Variants in TARS1 observed in about 807,000 individuals in gnomAD.
TARS1 encodes threonyl-tRNA synthetase 1.
In TARS1, 57 loss-of-function variants were observed where a neutral mutation model predicts 97.7. The observed-to-expected ratio is 0.58, with a 90% CI of 0.47 to 0.73. The LOEUF is 0.73. Ranked by LOEUF, TARS1 falls within the 30% of genes least tolerant of loss-of-function variation. The pLI is 0.00. For synonymous variants in TARS1, 312 were observed against 293.7 expected (o/e 1.06, Z -0.64); for missense variants, 806 against 888.3 (o/e 0.91, Z 1.18).
chr5:33,463,250 T>A (rs574212123), intron 16 of TARS1, among the ~76,000 whole-genome samples: 1 of 152,352 alleles, frequency 6.6e-6, no homozygotes, highest in African/African-American at 2.4e-5. Flanking sequence ...GCTTATTTTT[T>A]AATAAGTAGT....
At chr5:33,441,608 G>T (rs1741105170) in intron 1 of TARS1, 1 of 163,324 alleles carries the variant, frequency 6.1e-6, no homozygotes, top group African/African-American at 2.4e-5. Context: ...GACCCAGCTT[G>T]TCCAAGTTTG....
rs763840110 is a variant in TARS1 at position 33,441,036 on chromosome 5, TCTC to T, written c.-47_-45del. The T allele has an allele frequency of 3.1e-6, 5 of 1,612,564 alleles. No homozygotes were observed. Among genetic ancestry groups the T allele is most frequent in the Non-Finnish European group, 4.2e-6 (5 of 1,178,990 alleles). ...CACCTCCCACCCGCCTCTTGGCTCC[TCTC>T]CTCTAGGCCGTCGCTTTCGGGTTCT... On this transcript the variant is annotated 5_prime_UTR_variant, in exon 1 of 19. Coordinates refer to ENST00000265112, the MANE Select transcript of TARS1 (RefSeq NM_152295.5).
At chr5:33,455,753 A>G (rs1396190357) in intron 6 of TARS1, 49 bp downstream of exon 6, 1 of 1,324,748 alleles carries the variant, frequency 7.5e-7, no homozygotes, top group South Asian at 1.3e-5. Flanking sequence ...TCATTTATTC[A>G]TGTTAGTTGA....
chr5:33,461,899 T>C lies in TARS1; in HGVS notation c.1630-7T>C, dbSNP rs572062691. On this transcript the variant is annotated splice_polypyrimidine_tract_variant and splice_region_variant and intron_variant, in intron 14 of 18. Coordinates refer to ENST00000265112, the MANE Select transcript of TARS1 (RefSeq NM_152295.5). ...CATTTTATAATAACCCAGTCTTTGC[T>C]TCTTAGATTGACATACAGATTAAAG... The C allele has an allele frequency of 1.7e-5, 27 of 1,611,772 alleles. No homozygotes were observed. In the South Asian group the frequency reaches 2.6e-4, roughly 16 times the overall value.
chr5:33,461,658 T>C lies in TARS1; in HGVS notation c.1552-9T>C. ...GAAAAAAATAAAAATCATTTTGCTT[T>C]ATCCTCAGCAACTTGAAAACAGTCT... is the stretch of plus-strand genomic sequence containing the variant. On this transcript the variant is annotated splice_polypyrimidine_tract_variant and intron_variant, in intron 13 of 18. Coordinates refer to ENST00000265112, the MANE Select transcript of TARS1 (RefSeq NM_152295.5). 1 of 1,610,978 alleles carries C rather than the reference T, an allele frequency of 6.2e-7. No homozygotes were observed. The highest frequency in any genetic ancestry group is 8.5e-7 in the Non-Finnish European group (1 of 1,179,118).
chr5:33,457,524 A>G, intron 9 of TARS1, 121 bp downstream of exon 9: 3 of 1,041,202 alleles, frequency 2.9e-6, no homozygotes, highest in Non-Finnish European at 2.8e-6. Flanking sequence ...GCTTTTTAGT[A>G]ACTGGTGCTA....
At chr5:33,450,202 T>C (rs541006202) in intron 3 of TARS1, among the ~76,000 whole-genome samples, 2 of 152,372 alleles carry the variant, frequency 1.3e-5, no homozygotes, top group East Asian at 1.9e-4. Flanking sequence ...TTTATAATTA[T>C]ATATTTTTGA....
Position 33,456,580 on chromosome 5 carries a change from C to A in TARS1, c.837+353C>A, listed in dbSNP as rs181922827. ...CCCAAGTTGTTGTTTTTAACAGAACCCAGTTTTATACTAGTTCATAAACAT... is the reference window on the plus strand; with the variant it reads ...CCCAAGTTGTTGTTTTTAACAGAACACAGTTTTATACTAGTTCATAAACAT... On this transcript the variant is annotated intron_variant, in intron 8 of 18. Coordinates refer to ENST00000265112, the MANE Select transcript of TARS1 (RefSeq NM_152295.5). Among the ~76,000 whole-genome samples the A allele has an allele frequency of 6.2e-4, 95 of 152,244 alleles. 1 individual carries two copies. Among genetic ancestry groups the A allele is most frequent in the South Asian group, 1.0e-3 (5 of 4,822 alleles).
At chr5:33,442,491 A>G (rs1021543671) in intron 1 of TARS1, among the ~76,000 whole-genome samples, 4 of 152,172 alleles carry the variant, frequency 2.6e-5, no homozygotes, top group African/African-American at 9.7e-5. Flanking sequence ...TTGAGTACTA[A>G]ATACGAGTTT....
chr5:33,464,006 A>G (rs1742419574), intron 17 of TARS1, among the ~76,000 whole-genome samples, 181 bp downstream of exon 17: 1 of 152,218 alleles, frequency 6.6e-6, no homozygotes. Flanking sequence ...CCATGATTCC[A>G]TAATCAGAAG....
intron 5 of TARS1, 55 bp from the exon 6 acceptor site, chr5:33,455,532 G>T: frequency 5.1e-6 from 6 of 1,179,644 alleles, no homozygotes; most frequent in South Asian, 1.7e-5. Context: ...AACATTTTTC[G>T]AAGCCATGGT....
Position 33,455,637 on chromosome 5 carries a change from T to C in TARS1, c.626T>C (p.Ile209Thr). The part of the protein sequence containing the change: ...FSSLEALCKK[I>T]IKEKQAFERL... ...TCTCTGGAGGCTTTGTGTAAGAAAA[T>C]CATTAAAGAAAAACAAGCTTTTGAA... The change falls in exon 6 of 19, where the codon ATC (isoleucine) becomes ACC (threonine). Residue 209 changes from isoleucine (I) to threonine (T), a missense_variant. Coordinates refer to ENST00000265112, the MANE Select transcript of TARS1 (RefSeq NM_152295.5). The C allele has an allele frequency of 2.5e-6, 4 of 1,612,894 alleles. No homozygotes were observed. The highest frequency in any genetic ancestry group is 3.4e-6 in the Non-Finnish European group (4 of 1,179,270).
rs868466214 is a variant in TARS1 at position 33,456,196 on chromosome 5, C to T, written c.806C>T (p.Thr269Met). 1.1e-5 allele frequency: 18 copies of T among 1,613,708 alleles called. No individual in the cohort carries two copies. Among genetic ancestry groups the T allele is most frequent in the Non-Finnish European group, 1.4e-5 (17 of 1,179,850 alleles). ...DLCRGPHVRH[T>M]GKIKALKIHK... ...TGCCGGGGTCCTCATGTTAGACACA[C>T]GGGCAAAATTAAGGCTTTAAAAATA... The change falls in exon 8 of 19, where the codon ACG becomes ATG. Residue 269 changes from threonine to methionine, a missense_variant. Thr to Met is a moderately conservative substitution (Grantham distance 81). This residue lies in a region of TARS1 where 356 missense variants were observed against 357.8 expected (regional missense o/e 0.99). Transcript: ENST00000265112.
intron 8 of TARS1, among the ~76,000 whole-genome samples, chr5:33,456,712 G>A (rs1742033910): frequency 2.0e-5 from 3 of 152,096 alleles, no homozygotes; most frequent in Admixed American, 2.0e-4. Flanking sequence ...TGTGAGAAAT[G>A]CCTTTGCAGG....
chr5:33,460,819 GACAA>G, intron 11 of TARS1, 79 bp from the exon 12 acceptor site: 2 of 1,521,030 alleles, frequency 1.3e-6, no homozygotes, highest in South Asian at 2.6e-5. Context: ...GTGGCTTTTT[GACAA>G]CCTTTCGTGT....
rs911337075 is a variant in TARS1, at chr5:33,441,096, G to A, written c.10G>A (p.Glu4Lys). 6.2e-6 allele frequency: 10 copies of A among 1,614,242 alleles called. No homozygotes were observed. Among genetic ancestry groups the A allele is most frequent in the Middle Eastern group, 3.3e-4 (2 of 6,060 alleles). The part of the protein sequence containing the change: MFE[E>K]KASSPSGKMG... ...GCTTCGTCGTTCGCCAATGTTTGAG[G>A]AGAAGGCCAGCAGTCCTTCAGGGAA... Residue 4 changes from glutamate to lysine, a missense_variant, in exon 1 of 19, where the codon GAG becomes AAG. By Grantham distance (56) the Glu-to-Lys change is moderately conservative (BLOSUM62 1). Around this residue, in one of 3 missense-constraint regions of TARS1, gnomAD observed 356 missense variants for 357.8 expected, o/e 0.99. Transcript: ENST00000265112.
intron 17 of TARS1, 85 bp from the exon 18 acceptor site, chr5:33,466,786 G>A: frequency 1.1e-6 from 1 of 902,600 alleles, no homozygotes; most frequent in East Asian, 2.9e-5. Flanking sequence ...AAGAAGTCCT[G>A]ATCCCTGTGT....
chr5:33,445,982 G>T (rs1163325517), intron 2 of TARS1: 1 of 153,704 alleles, frequency 6.5e-6, no homozygotes. Flanking sequence ...CCTGGTTCCT[G>T]AGTATTTTGC....
intron 4 of TARS1, 109 bp downstream of exon 4, chr5:33,453,521 A>G (rs1741857644): frequency 4.4e-6 from 6 of 1,356,980 alleles, no homozygotes; most frequent in Non-Finnish European, 6.1e-6. Context: ...TTGTTGTCTC[A>G]CTGTCATATT....
Sources: allele counts gnomAD v4.1 joint callset (sites outside exome capture counted in the v4.1 genomes callset), GRCh38; gene constraint gnomAD v4.1.1; regional missense constraint gnomAD v4.1.1; transcripts MANE v1.5; gene names NCBI Gene and HGNC (gene_info 2026-07-23, HGNC 2026-07-21).